FBRS: variants seen among roughly 807,000 people sequenced by gnomAD.
FBRS encodes fibrosin, also known as probable fibrosin-1.
Under a neutral mutation model 86.1 loss-of-function variants are expected in FBRS, and 15 were observed. The observed-to-expected ratio is 0.17, with a 90% CI of 0.12 to 0.27. The LOEUF is 0.27. FBRS is among the 10% of genes least tolerant of loss of function. The pLI, the probability that FBRS is intolerant of heterozygous loss-of-function variation, is 1.00. For synonymous variants in FBRS, 666 were observed against 575.8 expected, an observed-to-expected ratio of 1.16 and a Z score of -2.24; for missense variants, 1,367 against 1,301.6, an observed-to-expected ratio of 1.05 and a Z score of -0.77.
Position 30,669,182 on chromosome 16 carries a change from GGAA to G in FBRS, c.2482_2484del (p.Lys828del). On this transcript the variant is annotated inframe_deletion, in exon 18 of 18. Coordinates refer to ENST00000356166, the MANE Select transcript of FBRS (RefSeq NM_001105079.3). The surrounding 1 kb of genome is among the most constrained non-coding windows in gnomAD (Gnocchi z 5.9). ...GAATCTGTGCGGGTAAAGGAAGAGC[GGAA>G]GGAGGAGGCTGCCGCCGCCGCTGCC... 3 of 1,551,136 alleles carry G rather than the reference GGAA, an allele frequency of 1.9e-6. No individual in the cohort carries two copies. Among genetic ancestry groups the G allele is most frequent in the Non-Finnish European group, 2.6e-6 (3 of 1,147,658 alleles).
rs181348530 is a variant in FBRS, at chr16:30,662,576, G to A, written c.772G>A (p.Ala258Thr). Residue 258 changes from alanine to threonine, a missense_variant, in exon 6 of 18, where the codon GCC becomes ACC. By Grantham distance (58) the Ala-to-Thr change is moderately conservative. Around this residue, in one of 3 missense-constraint regions of FBRS, gnomAD observed 702 missense variants for 598.7 expected, o/e 1.17. Coordinates refer to ENST00000356166, the MANE Select transcript of FBRS (RefSeq NM_001105079.3). ...STSKASGPHG[A>T]FNGNCEAKLS... is the part of the protein sequence containing the mutation. ...CCCCACAGCCTCGGGCCCCCACGGC[G>A]CCTTCAATGGGAACTGTGAAGCAAA... 59 of 1,541,862 alleles carry A rather than the reference G, an allele frequency of 3.8e-5. No homozygotes were observed. The highest frequency in any genetic ancestry group is 1.8e-4 in the African/African-American group (13 of 72,972).
At chr16:30,663,698 C>T (rs757334604) in intron 6 of FBRS, among the ~76,000 whole-genome samples, 9 of 152,198 alleles carry the variant, frequency 5.9e-5, no homozygotes, top group Non-Finnish European at 1.3e-4. Flanking sequence ...ACTATTGACA[C>T]TTACTATTGA....
rs1392694190 is a variant in FBRS, at chr16:30,668,922, A to C, written c.2309A>C (p.Asp770Ala). The C allele has an allele frequency of 6.3e-7, 1 of 1,591,040 alleles. No individual in the cohort carries two copies. The highest frequency in any genetic ancestry group is 8.5e-7 in the Non-Finnish European group (1 of 1,171,620). Reference sequence around the variant, plus strand: ...GAGGCCGCCCGGACTCCAGGCTCAGACAAGGAGCGGCCTGTGGAGCGGAGG... The same window carrying C: ...GAGGCCGCCCGGACTCCAGGCTCAGCCAAGGAGCGGCCTGTGGAGCGGAGG... ...PPEAARTPGSDKERPVERREP... is the reference protein window; with the variant it reads ...PPEAARTPGSAKERPVERREP... Residue 770 changes from aspartate (D) to alanine (A), a missense_variant, in exon 17 of 18, where the codon GAC becomes GCC. This residue lies in a region of FBRS where 659 missense variants were observed against 678.8 expected (regional missense o/e 0.97). Transcript: ENST00000356166.
At chr16:30,661,889 C>T (rs917021923) in intron 4 of FBRS, 2 of 174,794 alleles carry the variant, frequency 1.1e-5, no homozygotes, top group African/African-American at 4.8e-5. Context: ...GTTTTTGTTT[C>T]AAAAGTTGGC....
Position 30,660,359 on chromosome 16 carries a change from C to G in FBRS, c.556C>G (p.Pro186Ala). The G allele has an allele frequency of 7.8e-7, 1 of 1,285,642 alleles. No individual in the cohort carries two copies. The highest frequency in any genetic ancestry group is 9.9e-7 in the Non-Finnish European group (1 of 1,007,048). 79.6% of individuals were successfully genotyped at this position (1,285,642 alleles called of 1,614,324 possible). The change falls in exon 2 of 18, where the codon CCA becomes GCA. Residue 186 changes from proline to alanine, a missense_variant. By Grantham distance (27) the Pro-to-Ala change is conservative. Around this residue, in one of 3 missense-constraint regions of FBRS, gnomAD observed 702 missense variants for 598.7 expected, o/e 1.17. Transcript: ENST00000356166. ...GGGCTCCAGTGGGGCCACCGGGGAG[C>G]CAGGGGACAGCTCTGATCGAGAGCC... is the stretch of plus-strand genomic sequence containing the variant. The part of the protein sequence containing the change: ...RGGSSGATGE[P>A]GDSSDREPGR...
At position 30,665,559 on chromosome 16, in the gene FBRS, C is replaced by T; in HGVS notation, c.1705-79C>T. Reference sequence around the variant, plus strand: ...TCCAAAGCCATGATCCCTCCCTGCCCAGTGTCCCAGCTTGGTTCTGGATCC... The same window carrying T: ...TCCAAAGCCATGATCCCTCCCTGCCTAGTGTCCCAGCTTGGTTCTGGATCC... On this transcript the variant is annotated intron_variant, in intron 10 of 17. Coordinates refer to ENST00000356166, the MANE Select transcript of FBRS (RefSeq NM_001105079.3). The surrounding 1 kb of genome is among the most constrained non-coding windows in gnomAD (Gnocchi z 4.1). 1.3e-6 allele frequency: 2 copies of T among 1,494,664 alleles called. No homozygotes were observed. The highest frequency in any genetic ancestry group is 2.0e-5 in the Admixed American group (1 of 50,846). 92.6% of individuals were successfully genotyped at this position (1,494,664 alleles called of 1,614,324 possible).
chr16:30,667,596 C>T lies in FBRS; in HGVS notation c.2048C>T (p.Pro683Leu). The stretch of plus-strand genomic sequence containing the variant: ...ACGGCAGCTCCCGGGGCCCACGGAC[C>T]CTTCCTGAGCCCCAGCACCCACATT... Reference protein sequence around the residue: ...PFTAAPGAHGPFLSPSTHIDP... With the variant: ...PFTAAPGAHGLFLSPSTHIDP... Residue 683 changes from proline (P) to leucine (L), a missense_variant, in exon 15 of 18, where the codon CCC (proline) becomes CTC (leucine). Coordinates refer to ENST00000356166, the MANE Select transcript of FBRS (RefSeq NM_001105079.3). The T allele has an allele frequency of 6.5e-7, 1 of 1,537,982 alleles. No homozygotes were observed. The highest frequency in any genetic ancestry group is 8.8e-7 in the Non-Finnish European group (1 of 1,140,774).
At position 30,665,267 on chromosome 16, in the gene FBRS, C is replaced by T. The variant is rs1476434541; in HGVS notation, c.1609-39C>T. 10 of 1,542,790 alleles carry T rather than the reference C, an allele frequency of 6.5e-6. No individual in the cohort carries two copies. The highest frequency in any genetic ancestry group is 8.8e-6 in the Non-Finnish European group (10 of 1,140,380). On this transcript the variant is annotated intron_variant, in intron 9 of 17. Transcript: ENST00000356166. The surrounding 1 kb of genome is among the most constrained non-coding windows in gnomAD (Gnocchi z 4.1). Reference sequence around the variant, plus strand: ...CGGGCAGGCTGGACTTGGGCTGCGCCTCCACCCCCACCTGTACTAGTCCCC... The same window carrying T: ...CGGGCAGGCTGGACTTGGGCTGCGCTTCCACCCCCACCTGTACTAGTCCCC...
intron 6 of FBRS, chr16:30,663,250 C>T (rs535031634): frequency 4.3e-5 from 8 of 184,006 alleles, no homozygotes; most frequent in Admixed American, 6.2e-5. Context: ...GTCACTTAAC[C>T]CCTCTGAGCC....
In FBRS at chr16:30,670,275, T is replaced by G. The variant is rs1217541966; in HGVS notation, c.*630T>G. The G allele has an allele frequency of 2.2e-6, 1 of 447,306 alleles. No individual in the cohort carries two copies. The allele number at this position is 447,306 out of a possible 1,614,324, so 27.7% of individuals were successfully genotyped here. A position where few individuals can be genotyped will look rare whatever the true frequency, so the allele number is the denominator to read the frequency against. On this transcript the variant is annotated 3_prime_UTR_variant, in exon 18 of 18. Coordinates refer to ENST00000356166, the MANE Select transcript of FBRS (RefSeq NM_001105079.3). The stretch of plus-strand genomic sequence containing the variant: ...GGGAAGGGACAGTCAGGCTTCTCCC[T>G]GGGAAGGTGGGGCCAGCAGGAGATG...
chr16:30,662,135 G>C, intron 4 of FBRS: 1 of 412,868 alleles, frequency 2.4e-6, no homozygotes, highest in Middle Eastern at 6.4e-4. Context: ...CCAGCAGCTA[G>C]TGACCTCTGA....
Position 30,667,422 on chromosome 16 carries a change from C to G in FBRS, c.1978C>G (p.Leu660Val). The G allele has an allele frequency of 6.5e-7, 1 of 1,545,912 alleles. No homozygotes were observed. The highest frequency in any genetic ancestry group is 8.7e-7 in the Non-Finnish European group (1 of 1,143,262). Reference sequence around the variant, plus strand: ...GCAGGAGCTCTCCCACCCGGCCTCCCTCTTCACTGCGACTGGTGAGTCTGG... The same window carrying G: ...GCAGGAGCTCTCCCACCCGGCCTCCGTCTTCACTGCGACTGGTGAGTCTGG... The part of the protein sequence containing the change: ...PGQELSHPAS[L>V]FTATGAVHAA... Residue 660 changes from leucine (L) to valine (V), a missense_variant, in exon 14 of 18, where the codon CTC becomes GTC. Around this residue, in one of 3 missense-constraint regions of FBRS, gnomAD observed 659 missense variants for 678.8 expected, o/e 0.97. Transcript: ENST00000356166.
chr16:30,665,332 G>A lies in FBRS; in HGVS notation c.1635G>A (p.Val545=). The change falls in exon 10 of 18, where the codon GTG becomes GTA. Residue 545 remains valine (V), a synonymous_variant. Transcript: ENST00000356166. The surrounding 1 kb of genome is among the most constrained non-coding windows in gnomAD (Gnocchi z 4.1). ...CGTACACGGCCTTCCCTCCCGCAGT[G>A]CCCGGGCTGCCTCCGGGCCTCCCGC... ...HNPYTAFPPA[V]PGLPPGLPPA... The A allele has an allele frequency of 1.9e-6, 3 of 1,565,052 alleles. No individual in the cohort carries two copies. Among genetic ancestry groups the A allele is most frequent in the South Asian group, 1.2e-5 (1 of 85,304 alleles).
In FBRS at chr16:30,665,225, G is replaced by A; in HGVS notation, c.1609-81G>A. The A allele has an allele frequency of 5.3e-6, 8 of 1,510,210 alleles. No homozygotes were observed. Among genetic ancestry groups the A allele is most frequent in the Non-Finnish European group, 7.1e-6 (8 of 1,118,960 alleles). 93.6% of individuals were successfully genotyped at this position (1,510,210 alleles called of 1,614,324 possible). On this transcript the variant is annotated intron_variant, in intron 9 of 17. Coordinates refer to ENST00000356166, the MANE Select transcript of FBRS (RefSeq NM_001105079.3). This position sits in a 1 kb window ranked among gnomAD's most constrained non-coding sequence, Gnocchi z 4.1. Reference sequence around the variant, plus strand: ...ACAGCTCCCTGGGGGGCTTTAGGGTGGAGGCCCGTGGACTGACGGGCAGGC... The same window carrying A: ...ACAGCTCCCTGGGGGGCTTTAGGGTAGAGGCCCGTGGACTGACGGGCAGGC...
chr16:30,660,342 G>A lies in FBRS; in HGVS notation c.539G>A (p.Ser180Asn), dbSNP rs887638443. Residue 180 changes from serine to asparagine, a missense_variant, in exon 2 of 18, where the codon AGT (serine) becomes AAT (asparagine). Coordinates refer to ENST00000356166, the MANE Select transcript of FBRS (RefSeq NM_001105079.3). ...GGGAAGCGGAAAAGGGGGGGCTCCA[G>A]TGGGGCCACCGGGGAGCCAGGGGAC... is the stretch of plus-strand genomic sequence containing the variant. Reference protein sequence around the residue: ...HSGKRKRGGSSGATGEPGDSS... With the variant: ...HSGKRKRGGSNGATGEPGDSS... The A allele has an allele frequency of 7.7e-6, 10 of 1,294,796 alleles. No individual in the cohort carries two copies. The East Asian group carries it at 1.9e-4, about 24-fold the overall frequency. 80.2% of individuals were successfully genotyped at this position (1,294,796 alleles called of 1,614,324 possible). A position where few individuals can be genotyped will look rare whatever the true frequency, so the allele number is the denominator to read the frequency against.
intron 5 of FBRS, 29 bp downstream of exon 5, chr16:30,662,497 A>C: frequency 6.4e-7 from 1 of 1,550,592 alleles, no homozygotes; most frequent in Non-Finnish European, 8.7e-7. Context: ...GGCTGGAGGC[A>C]CGGGAGGGCA....
Position 30,659,790 on chromosome 16 carries a change from C to A in FBRS, c.272C>A (p.Pro91Gln). Residue 91 changes from proline (P) to glutamine (Q), a missense_variant, in exon 1 of 18, where the codon CCG (proline) becomes CAG (glutamine). By Grantham distance (76) the Pro-to-Gln change is moderately conservative. Transcript: ENST00000356166. ...CGGCCCCGTCCGAGACCTCGACCCC[C>A]GCGACCCCGAGCTCGGAAGCGGCCT... ...RRRPRPRPRPPRPRARKRPAG... is the reference protein window; with the variant it reads ...RRRPRPRPRPQRPRARKRPAG... 1 of 1,497,912 alleles carries A rather than the reference C, an allele frequency of 6.7e-7. No individual in the cohort carries two copies. Among genetic ancestry groups the A allele is most frequent in the Non-Finnish European group, 8.9e-7 (1 of 1,128,376 alleles). 92.8% of individuals were successfully genotyped at this position (1,497,912 alleles called of 1,614,324 possible).
chr16:30,661,397 G>T, intron 4 of FBRS, 64 bp downstream of exon 4: 1 of 1,550,486 alleles, frequency 6.4e-7, no homozygotes, highest in Non-Finnish European at 8.7e-7. Context: ...CAGCATAAAG[G>T]TCTTCTGCGT....
chr16:30,666,263 C>G, intron 11 of FBRS: 1 of 595,680 alleles, frequency 1.7e-6, no homozygotes, highest in Non-Finnish European at 3.0e-6. Flanking sequence ...CCTGTCCTGC[C>G]TGCCCCCTCA....
Sources: gnomAD v4.1 joint callset for allele counts (sites outside exome capture counted in the v4.1 genomes callset) on GRCh38, gnomAD v4.1.1 for gene constraint, gnomAD v4.1.1 regional missense constraint, Gnocchi (gnomAD v3.1) non-coding constraint, MANE v1.5 for transcripts, NCBI Gene and HGNC (gene_info 2026-07-23, HGNC 2026-07-21) for gene names.